NRG1: variants seen among roughly 807,000 people sequenced by gnomAD.
The protein encoded by NRG1 is pro-neuregulin-1, membrane-bound isoform.
A neutral mutation model predicts 63.8 loss-of-function variants in NRG1; 18 were observed. The ratio of observed to expected loss-of-function variants is 0.28; its 90% CI spans 0.19 to 0.42. NRG1 has a LOEUF of 0.42. Ranked by LOEUF, NRG1 falls within the 10% of genes least tolerant of loss-of-function variation. The pLI is 1.00. For missense variants in NRG1, 762 were observed against 814.7 expected (o/e 0.94, Z 0.79); for synonymous variants, 302 against 301.3 (o/e 1.00, Z -0.02).
intron 5 of NRG1, among the ~76,000 whole-genome samples, chr8:32,671,050 C>T (rs1805520927): frequency 6.6e-6 from 1 of 151,958 alleles, no homozygotes; most frequent in Non-Finnish European, 1.5e-5. Flanking sequence ...TAGCAGACAA[C>T]ACACATAGGA....
At chr8:32,222,371 T>C (rs545773580) in intron 1 of NRG1, among the ~76,000 whole-genome samples, 5 of 152,192 alleles carry the variant, frequency 3.3e-5, no homozygotes, top group Non-Finnish European at 5.9e-5. Flanking sequence ...GGAAGAGTTA[T>C]TGTAAACAAT....
At chr8:32,480,304 G>C (rs1385204167) in intron 1 of NRG1, among the ~76,000 whole-genome samples, 1 of 152,074 alleles carries the variant, frequency 6.6e-6, no homozygotes, top group Non-Finnish European at 1.5e-5. Context: ...GGCTAGGAGA[G>C]AGATAGGGAA....
At chr8:31,864,108 C>G (rs1828726039) in intron 1 of NRG1, among the ~76,000 whole-genome samples, 1 of 152,158 alleles carries the variant, frequency 6.6e-6, no homozygotes, top group Non-Finnish European at 1.5e-5. Context: ...GGTATCTAGT[C>G]TTAACCCTCA....
At chr8:31,796,100 A>C (rs2131688247) in intron 1 of NRG1, among the ~76,000 whole-genome samples, 1 of 152,344 alleles carries the variant, frequency 6.6e-6, no homozygotes, top group East Asian at 1.9e-4. Flanking sequence ...ATATTGTTCT[A>C]AGTAATCTAG....
At chr8:31,877,481 G>A (rs1024435315) in intron 1 of NRG1, among the ~76,000 whole-genome samples, 1 of 149,922 alleles carries the variant, frequency 6.7e-6, no homozygotes, top group African/African-American at 2.5e-5. Context: ...CTCCATGTAT[G>A]TATGTGTGTG....
chr8:31,647,445 C>T (rs1804398095), intron 1 of NRG1, among the ~76,000 whole-genome samples: 1 of 152,210 alleles, frequency 6.6e-6, no homozygotes, highest in Non-Finnish European at 1.5e-5. Context: ...GATGTGTTAT[C>T]AGTGAAGCAG....
intron 1 of NRG1, among the ~76,000 whole-genome samples, chr8:31,721,343 T>C (rs941145733): frequency 2.6e-5 from 4 of 152,200 alleles, no homozygotes; most frequent in Non-Finnish European, 5.9e-5. Context: ...CACAGTAAAG[T>C]TGTATTAATG....
In NRG1 at chr8:32,054,851, ATTTCTTTC is replaced by A. The variant is rs879941286; in HGVS notation, c.37+415428_37+415435del. Among the ~76,000 whole-genome samples the A allele has an allele frequency of 9.0e-4, 99 of 109,624 alleles. 3 individuals are homozygous for A. Among genetic ancestry groups the A allele is most frequent in the African/African-American group, 3.6e-3 (90 of 25,292 alleles). The allele number at this position is 109,624 out of a possible 152,430, so 71.9% of individuals were successfully genotyped here. On this transcript the variant is annotated intron_variant, in intron 1 of 10. Transcript: ENST00000519301. ...AGCAAGCATTTCCCTTGAAAAGCAG[ATTTCTTTC>A]TTTCTTTTTTTTTTTTTTTTTTTTT... is the stretch of plus-strand genomic sequence containing the variant.
intron 1 of NRG1, among the ~76,000 whole-genome samples, chr8:32,514,641 T>C (rs906412402): frequency 1.3e-5 from 2 of 152,144 alleles, no homozygotes; most frequent in African/African-American, 4.8e-5. Context: ...AAAAACATCA[T>C]CTAATGGATA....
chr8:32,687,140 G>T (rs1810369468), intron 5 of NRG1, among the ~76,000 whole-genome samples: 1 of 152,116 alleles, frequency 6.6e-6, no homozygotes, highest in Non-Finnish European at 1.5e-5. Flanking sequence ...TATATTAATA[G>T]AATAGAAAAG....
chr8:31,671,740 AAG>A, intron 1 of NRG1, among the ~76,000 whole-genome samples: 1 of 152,166 alleles, frequency 6.6e-6, no homozygotes, highest in Non-Finnish European at 1.5e-5. Flanking sequence ...GGACATAAGT[AAG>A]ATTTAGGAGA....
In NRG1 at chr8:32,680,305, G is replaced by A. The variant is rs576919970; in HGVS notation, c.503-47644G>A. Among the ~76,000 whole-genome samples the A allele has an allele frequency of 3.3e-5, 5 of 152,242 alleles. No homozygotes were observed. In the South Asian group the frequency reaches 8.3e-4, roughly 25 times the overall value. On this transcript the variant is annotated intron_variant, in intron 5 of 11. Coordinates refer to ENST00000356819, the Ensembl canonical transcript of NRG1. ...ATTGCCCCTGTTTGCCCAGGACAGG[G>A]AACTTTGGGTTTTAAAACTGATACC...
chr8:32,700,199 A>G (rs1243623027), intron 5 of NRG1, among the ~76,000 whole-genome samples: 1 of 152,190 alleles, frequency 6.6e-6, no homozygotes, highest in African/African-American at 2.4e-5. Flanking sequence ...TAATGAATAT[A>G]AAACAATTGC....
intron 1 of NRG1, among the ~76,000 whole-genome samples, chr8:32,178,415 G>A (rs1841040195): frequency 6.6e-6 from 1 of 152,096 alleles, no homozygotes; most frequent in Admixed American, 6.6e-5. Context: ...TTAGAGACCA[G>A]CCTGACCAAT....
rs542988361 is a variant in NRG1, at chr8:32,228,918, C to T, written c.38-366910C>T. On this transcript the variant is annotated intron_variant, in intron 1 of 10. Transcript: ENST00000519301. ...TGTGAAACCAAAGAGAATTTCCCGC[C>T]AAAGAAATACCTACAAAGAAGTGTA... Among the ~76,000 whole-genome samples, 14 of 152,120 alleles carry T rather than the reference C, an allele frequency of 9.2e-5. 1 individual carries two copies. The South Asian group carries it at 2.7e-3, about 29-fold the overall frequency.
chr8:31,897,813 G>A (rs918287610), intron 1 of NRG1, among the ~76,000 whole-genome samples: 1 of 151,212 alleles, frequency 6.6e-6, no homozygotes, highest in East Asian at 2.0e-4. Flanking sequence ...TCAGGAGTTC[G>A]AGACAAGCCT....
intron 1 of NRG1, among the ~76,000 whole-genome samples, chr8:31,700,881 A>C (rs562530896): frequency 6.6e-6 from 1 of 152,302 alleles, no homozygotes; most frequent in African/African-American, 2.4e-5. Flanking sequence ...AAGTAACTAG[A>C]GCAAGAGTAG....
chr8:32,035,992 T>G (rs1818993721), intron 1 of NRG1, among the ~76,000 whole-genome samples: 1 of 152,188 alleles, frequency 6.6e-6, no homozygotes, highest in African/African-American at 2.4e-5. Flanking sequence ...GCTGGTTATT[T>G]GCAGACTTTT....
At chr8:32,152,369 C>T (rs999780160) in intron 1 of NRG1, among the ~76,000 whole-genome samples, 1 of 152,128 alleles carries the variant, frequency 6.6e-6, no homozygotes, top group African/African-American at 2.4e-5. Context: ...TTGAAAAAGA[C>T]TCAAACATGT....
Sources: allele counts gnomAD v4.1 joint callset (sites outside exome capture counted in the v4.1 genomes callset), GRCh38; gene constraint gnomAD v4.1.1; transcripts MANE v1.5; gene names NCBI Gene and HGNC (gene_info 2026-07-23, HGNC 2026-07-21).